Variants in ZNF592 observed in about 807,000 individuals in gnomAD.
The protein encoded by ZNF592 is spinocerebellar ataxia, autosomal recessive 5.
A neutral mutation model predicts 80.3 loss-of-function variants in ZNF592; 11 were observed. The observed-to-expected ratio is 0.14, with a 90% CI of 0.09 to 0.23. The LOEUF (loss-of-function observed/expected upper bound fraction) is 0.23. Among genes scored for constraint, ZNF592 ranks in the 10% least tolerant of loss-of-function variants. The probability of loss-of-function intolerance (pLI) is 1.00; values close to 1 mark genes in which losing one functional copy is unlikely to be tolerated. For missense variants in ZNF592, 1,420 were observed against 1,633.9 expected (o/e 0.87, Z 2.26); for synonymous variants, 646 against 640.3 (o/e 1.01, Z -0.13).
rs533562706 is a variant in ZNF592 at position 84,784,425 on chromosome 15, G to A, written c.1750G>A (p.Ala584Thr). Reference protein sequence around the residue: ...PPADSRIHVPASGYCCLECGD... With the variant: ...PPADSRIHVPTSGYCCLECGD... ...TGCGGACAGCAGGATCCACGTGCCG[G>A]CCAGTGGGTACTGCTGCCTGGAGTG... Residue 584 changes from alanine (A) to threonine (T), a missense_variant, in exon 4 of 11, where the codon GCC becomes ACC. By Grantham distance (58) the Ala-to-Thr change is moderately conservative. Coordinates refer to ENST00000560079, the MANE Select transcript of ZNF592 (RefSeq NM_014630.3). The surrounding 1 kb of genome is among the most constrained non-coding windows in gnomAD (Gnocchi z 5.8). 65 of 1,614,188 alleles carry A rather than the reference G, an allele frequency of 4.0e-5. No homozygotes were observed. In the Admixed American group the frequency reaches 6.2e-4, roughly 15 times the overall value.
At chr15:84,789,562 G>C (rs1962684610) in intron 4 of ZNF592, among the ~76,000 whole-genome samples, 1 of 152,190 alleles carries the variant, frequency 6.6e-6, no homozygotes. Context: ...CAGTGCCCAA[G>C]TGTTCCAGTT....
intron 5 of ZNF592, among the ~76,000 whole-genome samples, chr15:84,797,303 T>C (rs1962946744): frequency 6.6e-6 from 1 of 152,186 alleles, no homozygotes; most frequent in South Asian, 2.1e-4. Context: ...CAAGTTCCAC[T>C]GGACAACACT....
At chr15:84,794,473 G>A (rs1041006201) in intron 5 of ZNF592, among the ~76,000 whole-genome samples, 1 of 151,666 alleles carries the variant, frequency 6.6e-6, no homozygotes, top group Non-Finnish European at 1.5e-5. Context: ...GTGCTTATTG[G>A]ACTCCAACTT....
Position 84,802,278 on chromosome 15 carries a change from C to T in ZNF592, c.3689C>T (p.Pro1230Leu). Reference sequence around the variant, plus strand: ...GCCGGTGAGCCTTTGTCAGCTGACCCAGAGGCGAGGAGATTGCTGGGCCCG... The same window carrying T: ...GCCGGTGAGCCTTTGTCAGCTGACCTAGAGGCGAGGAGATTGCTGGGCCCG... ...ECAGEPLSAD[P>L]EARRLLGPAP... Residue 1230 changes from proline to leucine, a missense_variant, in exon 11 of 11, where the codon CCA becomes CTA. By Grantham distance (98) the Pro-to-Leu change is moderately conservative (BLOSUM62 -3). Coordinates refer to ENST00000560079, the MANE Select transcript of ZNF592 (RefSeq NM_014630.3). 5.6e-6 allele frequency: 9 copies of T among 1,611,336 alleles called. No individual in the cohort carries two copies. Among genetic ancestry groups the T allele is most frequent in the Non-Finnish European group, 7.6e-6 (9 of 1,178,198 alleles).
intron 2 of ZNF592, among the ~76,000 whole-genome samples, chr15:84,774,502 C>T (rs1398551329): frequency 6.6e-6 from 1 of 152,230 alleles, no homozygotes; most frequent in Non-Finnish European, 1.5e-5. Context: ...GGGTTGGAAA[C>T]CACCATTCTA....
chr15:84,773,919 A>G (rs1366821878), intron 2 of ZNF592, among the ~76,000 whole-genome samples: 3 of 152,236 alleles, frequency 2.0e-5, no homozygotes, highest in Non-Finnish European at 4.4e-5. Flanking sequence ...GTGGTTTTGA[A>G]TAAGGGCAGG....
chr15:84,761,064 A>G (rs1303820372), intron 1 of ZNF592, among the ~76,000 whole-genome samples: 1 of 152,184 alleles, frequency 6.6e-6, no homozygotes, highest in Non-Finnish European at 1.5e-5. Context: ...CCCGGATTCA[A>G]GCAATTCTCT....
chr15:84,767,540 A>G (rs1300055895), intron 2 of ZNF592, among the ~76,000 whole-genome samples: 1 of 152,170 alleles, frequency 6.6e-6, no homozygotes, highest in African/African-American at 2.4e-5. Context: ...TCCTTCTAAC[A>G]AAGTGTGGTG....
At chr15:84,775,412 G>A (rs1962215948) in intron 2 of ZNF592, among the ~76,000 whole-genome samples, 1 of 145,372 alleles carries the variant, frequency 6.9e-6, no homozygotes. Flanking sequence ...ACTGGGTGTT[G>A]TTGTTGTTGT....
At chr15:84,796,030 C>G (rs1220949859) in intron 5 of ZNF592, among the ~76,000 whole-genome samples, 1 of 151,250 alleles carries the variant, frequency 6.6e-6, no homozygotes, top group African/African-American at 2.4e-5. Flanking sequence ...AAGACCAGCG[C>G]GGCCAACATG....
At chr15:84,758,341 G>A (rs1408498561) in intron 1 of ZNF592, among the ~76,000 whole-genome samples, 3 of 151,888 alleles carry the variant, frequency 2.0e-5, no homozygotes, top group Non-Finnish European at 4.4e-5. Flanking sequence ...GTAGTGCAGT[G>A]GCGTGATCAT....
At chr15:84,770,694 A>T (rs1481203818) in intron 2 of ZNF592, among the ~76,000 whole-genome samples, 1 of 147,290 alleles carries the variant, frequency 6.8e-6, no homozygotes, top group Non-Finnish European at 1.5e-5. Flanking sequence ...GGGAAGCTTT[A>T]AAAAAAAAAC....
At chr15:84,770,355 A>G (rs2141973474) in intron 2 of ZNF592, among the ~76,000 whole-genome samples, 1 of 152,358 alleles carries the variant, frequency 6.6e-6, no homozygotes, top group South Asian at 2.1e-4. Flanking sequence ...CAGGAAAGAG[A>G]ACACTTTACT....
At chr15:84,777,517 T>C (rs1962291303) in intron 2 of ZNF592, among the ~76,000 whole-genome samples, 1 of 150,416 alleles carries the variant, frequency 6.6e-6, no homozygotes, top group Non-Finnish European at 1.5e-5. Flanking sequence ...GCATGGGGTC[T>C]CACTATGTTG....
intron 3 of ZNF592, among the ~76,000 whole-genome samples, chr15:84,780,293 A>G (rs1962383761): frequency 6.6e-6 from 1 of 152,146 alleles, no homozygotes; most frequent in Non-Finnish European, 1.5e-5. Context: ...GGCCTTTCCT[A>G]GACATTTAGA....
At position 84,772,345 on chromosome 15, in the gene ZNF592, C is replaced by G. The variant is rs745434657; in HGVS notation, c.-149-5838C>G. Among the ~76,000 whole-genome samples, 8 of 152,112 alleles carry G rather than the reference C, an allele frequency of 5.3e-5. 1 individual carries two copies. Among genetic ancestry groups the G allele is most frequent in the Non-Finnish European group, 1.2e-4 (8 of 68,014 alleles). ...TTGCTCATTCTGACTTTCCCCTTGT[C>G]TGCTTCCATTCCTGGTATAACATAG... On this transcript the variant is annotated intron_variant, in intron 2 of 10. Coordinates refer to ENST00000560079, the MANE Select transcript of ZNF592 (RefSeq NM_014630.3).
At chr15:84,754,969 T>G (rs1567057470) in intron 1 of ZNF592, among the ~76,000 whole-genome samples, 1 of 148,656 alleles carries the variant, frequency 6.7e-6, no homozygotes, top group African/African-American at 2.5e-5. Flanking sequence ...AGTTGTTTTT[T>G]TTTTTTTTTT....
chr15:84,765,677 T>G (rs749022999), intron 2 of ZNF592, among the ~76,000 whole-genome samples: 90 of 151,180 alleles, frequency 6.0e-4, no homozygotes, highest in Admixed American at 2.7e-4. Flanking sequence ...TAGCTGGGAC[T>G]ACAGGTGCAT....
At chr15:84,762,715 A>G (rs1484646341) in intron 1 of ZNF592, among the ~76,000 whole-genome samples, 1 of 152,188 alleles carries the variant, frequency 6.6e-6, no homozygotes. Flanking sequence ...AAGGGCAAGC[A>G]AGGGCCCCCT....
Sources: allele counts gnomAD v4.1 joint callset (sites outside exome capture counted in the v4.1 genomes callset), GRCh38; gene constraint gnomAD v4.1.1; non-coding constraint Gnocchi (gnomAD v3.1); transcripts MANE v1.5; gene names NCBI Gene and HGNC (gene_info 2026-07-23, HGNC 2026-07-21).